The following GNG2 variants were observed in gnomAD, a reference collection of about 807,000 sequenced individuals.
The protein encoded by GNG2 is guanine nucleotide-binding protein G(I)/G(S)/G(O) subunit gamma-2.
A neutral mutation model predicts 5.5 loss-of-function variants in GNG2; 5 were observed. The observed-to-expected ratio is 0.91, with a 90% confidence interval of 0.48 to 1.92. GNG2 has a LOEUF of 1.92. Among genes scored for constraint, GNG2 ranks in the 30% most tolerant of loss-of-function variants. The pLI, the probability that GNG2 is intolerant of heterozygous loss-of-function variation, is 0.01. For synonymous variants in GNG2, 28 were observed against 32.0 expected, an observed-to-expected ratio of 0.88 and a Z score of 0.42; for missense variants, 55 against 88.4, an observed-to-expected ratio of 0.62 and a Z score of 1.52.
chr14:51,900,024 C>A (rs906500294), intron 2 of GNG2, among the ~76,000 whole-genome samples: 1 of 152,144 alleles, frequency 6.6e-6, no homozygotes, highest in Non-Finnish European at 1.5e-5. Context: ...CATGTATATA[C>A]TCAGAAATGA....
intron 3 of GNG2, among the ~76,000 whole-genome samples, chr14:51,960,386 C>A (rs1056645833): frequency 1.3e-5 from 2 of 151,892 alleles, no homozygotes; most frequent in African/African-American, 2.4e-5. Context: ...ATTTATTCTA[C>A]CTTCTTGATC....
At chr14:51,856,689 C>T (rs1882178524), upstream of GNG2, among the ~76,000 whole-genome samples, 1 of 152,216 alleles carries the variant, frequency 6.6e-6, no homozygotes, top group African/African-American at 2.4e-5. Context: ...CCTTGGCCTC[C>T]CAAATTGCTG....
chr14:51,847,137 T>G (rs1261440667), intron 2 of GNG2: 2 of 152,394 alleles, frequency 1.3e-5, no homozygotes, highest in Admixed American at 1.3e-4. Flanking sequence ...CAAACGCCCG[T>G]TGGCATCAAG....
At chr14:51,914,637 G>A (rs983763038) in intron 2 of GNG2, among the ~76,000 whole-genome samples, 5 of 152,218 alleles carry the variant, frequency 3.3e-5, no homozygotes. Flanking sequence ...AATTAAAGCA[G>A]TCTAAGGGAG....
chr14:51,860,916 T>G (rs1882431691), intron 1 of GNG2, 126 bp downstream of exon 1: 1 of 152,220 alleles, frequency 6.6e-6, no homozygotes, highest in African/African-American at 2.4e-5. Context: ...AATGATTAGA[T>G]TCTTTTGGAA....
At chr14:51,868,080 TCA>T (rs1327771456) in intron 1 of GNG2, among the ~76,000 whole-genome samples, 2 of 152,152 alleles carry the variant, frequency 1.3e-5, no homozygotes, top group African/African-American at 2.4e-5. Flanking sequence ...CTCTAAGAGC[TCA>T]CAAACTCATG....
intron 2 of GNG2, among the ~76,000 whole-genome samples, chr14:51,853,335 C>G (rs1313480432): frequency 6.6e-6 from 1 of 152,146 alleles, no homozygotes; most frequent in Non-Finnish European, 1.5e-5. Context: ...CTAGTGGACT[C>G]TGATGAAAGG....
intron 2 of GNG2, among the ~76,000 whole-genome samples, chr14:51,934,005 G>A (rs982442855): frequency 3.9e-5 from 6 of 152,222 alleles, no homozygotes; most frequent in South Asian, 2.1e-4. Flanking sequence ...CTTTCATGAT[G>A]TGTGTTTATT....
Position 51,932,271 on chromosome 14 carries a change from A to AAAAAAAAAAG in GNG2, c.-29-18378_-29-18377insAAAAAAAAGA, listed in dbSNP as rs60014306. 1.6e-4 allele frequency among the ~76,000 whole-genome samples: 15 copies of AAAAAAAAAAG among 96,340 alleles called. 1 individual carries two copies. The highest frequency in any genetic ancestry group is 1.4e-4 in the Non-Finnish European group (7 of 48,790). 63.2% of individuals were successfully genotyped at this position (96,340 alleles called of 152,430 possible). A position where few individuals can be genotyped will look rare whatever the true frequency, so the allele number is the denominator to read the frequency against. On this transcript the variant is annotated intron_variant, in intron 2 of 3. Transcript: ENST00000556766. ...CAAAAAAAAAAAAAAAAAAAAAAAA[A>AAAAAAAAAAG]AGAAAAGAAAATATGGTATATATGC...
intron 2 of GNG2, among the ~76,000 whole-genome samples, chr14:51,947,026 G>A (rs936776786): frequency 3.9e-5 from 6 of 152,186 alleles, no homozygotes; most frequent in African/African-American, 1.2e-4. Context: ...TCAGGGTGTA[G>A]CTGCCTAAAA....
intron 2 of GNG2, among the ~76,000 whole-genome samples, chr14:51,933,753 G>C (rs1430824466): frequency 6.6e-6 from 1 of 152,212 alleles, no homozygotes; most frequent in South Asian, 2.1e-4. Flanking sequence ...CAGAAATGCA[G>C]ATGCAGGTAA....
chr14:51,891,756 T>G (rs1159642155), intron 2 of GNG2, among the ~76,000 whole-genome samples: 1 of 152,254 alleles, frequency 6.6e-6, no homozygotes, highest in Non-Finnish European at 1.5e-5. Flanking sequence ...TACCCATTTT[T>G]ACTGCTATCT....
chr14:51,850,994 C>T (rs1034644107), intron 2 of GNG2, among the ~76,000 whole-genome samples: 4 of 152,186 alleles, frequency 2.6e-5, no homozygotes, highest in Non-Finnish European at 2.9e-5. Flanking sequence ...GGACAAATAT[C>T]CAAAGCATAT....
chr14:51,835,724 G>T (rs1594828873), intron 2 of GNG2, among the ~76,000 whole-genome samples: 1 of 152,190 alleles, frequency 6.6e-6, no homozygotes, highest in African/African-American at 2.4e-5. Context: ...AAAGCCCAAA[G>T]TGTCTTCCTT....
At chr14:51,880,002 C>T (rs1883936016) in intron 2 of GNG2, among the ~76,000 whole-genome samples, 1 of 152,160 alleles carries the variant, frequency 6.6e-6, no homozygotes, top group South Asian at 2.1e-4. Flanking sequence ...AGGATTAAAA[C>T]ATTAAGGTTT....
In GNG2 at chr14:51,967,259, T is replaced by C. The variant is rs961521468; in HGVS notation, c.*572T>C. 6.6e-6 allele frequency: 1 copy of C among 152,316 alleles called. No individual in the cohort carries two copies. The highest frequency in any genetic ancestry group is 2.4e-5 in the African/African-American group (1 of 41,434). The allele number at this position is 152,316 out of a possible 1,614,324, so 9.4% of individuals were successfully genotyped here. A position where few individuals can be genotyped will look rare whatever the true frequency, so the allele number is the denominator to read the frequency against. On this transcript the variant is annotated 3_prime_UTR_variant, in exon 4 of 4. Coordinates refer to ENST00000556766, the MANE Select transcript of GNG2 (RefSeq NM_053064.5). ...GGTCTATCAGATTGAACTCCAAGAA[T>C]GATCACACAAAATGTTTAGGGAGAT...
At chr14:51,899,610 A>G (rs1045077184) in intron 2 of GNG2, among the ~76,000 whole-genome samples, 5 of 152,128 alleles carry the variant, frequency 3.3e-5, no homozygotes, top group Non-Finnish European at 7.4e-5. Flanking sequence ...CCCCATCTCT[A>G]TCAAAAAATT....
intron 2 of GNG2, among the ~76,000 whole-genome samples, chr14:51,846,874 C>G (rs547630381): frequency 3.3e-5 from 5 of 152,280 alleles, no homozygotes; most frequent in African/African-American, 1.2e-4. Context: ...AGATGCAATC[C>G]TTTGTCTTTT....
chr14:51,949,299 A>G (rs867454263), intron 2 of GNG2, among the ~76,000 whole-genome samples: 4,964 of 152,218 alleles, frequency 0.033, 192 homozygotes, highest in East Asian at 0.14. Flanking sequence ...AGAACTGGAT[A>G]TCAAGAAATA....
Sources: allele counts gnomAD v4.1 joint callset (sites outside exome capture counted in the v4.1 genomes callset), GRCh38; gene constraint gnomAD v4.1.1; transcripts MANE v1.5; gene names NCBI Gene and HGNC (gene_info 2026-07-23, HGNC 2026-07-21).